Variants in LDLRAD3 observed in about 807,000 individuals in gnomAD.
LDLRAD3 encodes the protein low-density lipoprotein receptor class A domain-containing protein 3.
LDLRAD3 carries 20 observed loss-of-function variants against 29.4 expected under a neutral mutation model. The ratio of observed to expected loss-of-function variants is 0.68; its 90% CI spans 0.48 to 0.99. The LOEUF (loss-of-function observed/expected upper bound fraction) is 0.99, where lower values mean the gene tolerates loss of function less well. Among genes scored for constraint, LDLRAD3 ranks in the 50% least tolerant of loss-of-function variants. The pLI is 0.00. For missense variants in LDLRAD3, 420 were observed against 454.3 expected, an observed-to-expected ratio of 0.92 and a Z score of 0.69; for synonymous variants, 157 against 192.7, an observed-to-expected ratio of 0.81 and a Z score of 1.53.
At chr11:36,184,865 A>G (rs895316360) in intron 4 of LDLRAD3, among the ~76,000 whole-genome samples, 4 of 152,206 alleles carry the variant, frequency 2.6e-5, no homozygotes, top group African/African-American at 9.7e-5. Flanking sequence ...TAGACTCTCC[A>G]CTTTGGCCCT....
intron 2 of LDLRAD3, among the ~76,000 whole-genome samples, chr11:36,055,831 T>C (rs1479060936): frequency 6.6e-6 from 1 of 152,218 alleles, no homozygotes; most frequent in Non-Finnish European, 1.5e-5. Flanking sequence ...TCTGTAATTT[T>C]CAATGGAATG....
At chr11:36,105,155 C>G (rs912645940) in intron 4 of LDLRAD3, among the ~76,000 whole-genome samples, 1 of 151,566 alleles carries the variant, frequency 6.6e-6, no homozygotes, top group African/African-American at 2.4e-5. Flanking sequence ...AGATTTGGCA[C>G]CTCACTGGAA....
At chr11:35,954,051 T>C (rs1851170593) in intron 1 of LDLRAD3, among the ~76,000 whole-genome samples, 1 of 152,178 alleles carries the variant, frequency 6.6e-6, no homozygotes, top group South Asian at 2.1e-4. Context: ...AATGTTACAG[T>C]GTAACAATAA....
chr11:36,072,629 A>T (rs942585313), intron 2 of LDLRAD3, among the ~76,000 whole-genome samples: 4 of 152,082 alleles, frequency 2.6e-5, no homozygotes, highest in Non-Finnish European at 4.4e-5. Context: ...AAGAAGCTGG[A>T]CTCTAGAGCA....
At chr11:36,046,029 G>A (rs7128241) in intron 2 of LDLRAD3, among the ~76,000 whole-genome samples, 2,753 of 151,500 alleles carry the variant, frequency 0.018, 72 homozygotes, top group African/African-American at 0.063. Context: ...CATACCCATT[G>A]TTCAACTCCC....
chr11:36,036,083 C>T lies in LDLRAD3; in HGVS notation c.47-20C>T, dbSNP rs772651717. 1.9e-6 allele frequency: 3 copies of T among 1,612,072 alleles called. No homozygotes were observed. The highest frequency in any genetic ancestry group is 2.2e-5 in the South Asian group (2 of 90,874). On this transcript the variant is annotated intron_variant, in intron 1 of 5. Transcript: ENST00000315571. ...CCCTGCTGTTGCTGTGCCGTCTGAC[C>T]TGTCCCCTCTCTCTGACAGAGAGCC...
At chr11:36,111,398 A>G (rs563637353) in intron 4 of LDLRAD3, among the ~76,000 whole-genome samples, 55 of 152,106 alleles carry the variant, frequency 3.6e-4, no homozygotes, top group South Asian at 4.2e-4. Context: ...GGGTTATTCA[A>G]TCAGGTCAGT....
At chr11:36,014,527 G>T (rs1262860048) in intron 1 of LDLRAD3, among the ~76,000 whole-genome samples, 1 of 152,188 alleles carries the variant, frequency 6.6e-6, no homozygotes, top group Non-Finnish European at 1.5e-5. Flanking sequence ...CCCCTTGGCT[G>T]GGTGGCCCAT....
chr11:35,993,562 A>G (rs768798458), intron 1 of LDLRAD3, among the ~76,000 whole-genome samples: 2 of 152,078 alleles, frequency 1.3e-5, no homozygotes, highest in Admixed American at 6.5e-5. Context: ...GAAAAGACAT[A>G]CAAGTCATTA....
chr11:36,087,429 A>G (rs973288464), intron 3 of LDLRAD3, among the ~76,000 whole-genome samples: 1 of 152,264 alleles, frequency 6.6e-6, no homozygotes, highest in East Asian at 1.9e-4. Flanking sequence ...AGCCAATTCC[A>G]TCAGGGATTG....
intron 1 of LDLRAD3, among the ~76,000 whole-genome samples, chr11:35,953,116 C>G (rs1344862565): frequency 6.6e-6 from 1 of 152,194 alleles, no homozygotes; most frequent in Admixed American, 6.5e-5. Context: ...GAACCGGACT[C>G]TCCTTTTGTT....
chr11:36,198,932 A>G (rs11033487), intron 4 of LDLRAD3, among the ~76,000 whole-genome samples: 55,857 of 151,560 alleles, frequency 0.37, 10,453 homozygotes, highest in East Asian at 0.51. Flanking sequence ...ATGGAGTCTC[A>G]CTCTGTCGCC....
At chr11:36,170,989 A>C (rs1854591294) in intron 4 of LDLRAD3, among the ~76,000 whole-genome samples, 1 of 152,054 alleles carries the variant, frequency 6.6e-6, no homozygotes, top group African/African-American at 2.4e-5. Flanking sequence ...TTTAGTAGAG[A>C]CAGGGTTTCA....
At chr11:36,090,670 A>G (rs983591633) in intron 3 of LDLRAD3, among the ~76,000 whole-genome samples, 4 of 152,178 alleles carry the variant, frequency 2.6e-5, no homozygotes, top group Non-Finnish European at 5.9e-5. Flanking sequence ...GGGTTTTGAA[A>G]ATTAAAATCC....
chr11:36,019,023 A>G (rs1015349166), intron 1 of LDLRAD3, among the ~76,000 whole-genome samples: 2 of 152,218 alleles, frequency 1.3e-5, no homozygotes, highest in East Asian at 3.8e-4. Flanking sequence ...ATAAAACTCT[A>G]TAAAAGACCA....
intron 1 of LDLRAD3, among the ~76,000 whole-genome samples, chr11:35,977,331 C>T (rs1851488590): frequency 6.6e-6 from 1 of 152,140 alleles, no homozygotes; most frequent in Admixed American, 6.5e-5. Context: ...TGCTTACATC[C>T]CATTGGCCAA....
rs865810992 is a variant in LDLRAD3 at position 36,145,184 on chromosome 11, T to C, written c.454+46723T>C. 6.8e-4 allele frequency among the ~76,000 whole-genome samples: 69 copies of C among 101,922 alleles called. 1 individual carries two copies. The East Asian group carries it at 1.0e-2, about 15-fold the overall frequency. 66.9% of individuals were successfully genotyped at this position (101,922 alleles called of 152,430 possible). On this transcript the variant is annotated intron_variant, in intron 4 of 5. Coordinates refer to ENST00000315571, the MANE Select transcript of LDLRAD3 (RefSeq NM_174902.4). ...GGGGTCAGCCCCCCGCCCGGCCAGC[T>C]GCCCCGTCCGGGAGGGAGGTGGGGG...
At chr11:35,954,455 A>G (rs1851176216) in intron 1 of LDLRAD3, among the ~76,000 whole-genome samples, 2 of 152,336 alleles carry the variant, frequency 1.3e-5, no homozygotes, top group South Asian at 4.1e-4. Flanking sequence ...GTTATACTCC[A>G]GAACCTGATT....
intron 1 of LDLRAD3, among the ~76,000 whole-genome samples, chr11:35,988,388 C>T (rs990794408): frequency 2.6e-5 from 4 of 152,022 alleles, no homozygotes; most frequent in Non-Finnish European, 5.9e-5. Context: ...AGTGGCTGTT[C>T]GTGTCTTTTG....
Sources: gnomAD v4.1 joint callset for allele counts (sites outside exome capture counted in the v4.1 genomes callset) on GRCh38, gnomAD v4.1.1 for gene constraint, MANE v1.5 for transcripts, NCBI Gene and HGNC (gene_info 2026-07-23, HGNC 2026-07-21) for gene names.